SH3GL3: variants seen among roughly 807,000 people sequenced by gnomAD.
SH3GL3 encodes the protein SH3 domain containing GRB2 like 3, endophilin A3.
Under a neutral mutation model 47.7 loss-of-function variants are expected in SH3GL3, and 33 were observed. The ratio of observed to expected loss-of-function variants is 0.69; its 90% CI spans 0.52 to 0.92. SH3GL3 has a LOEUF of 0.92. Ranked by LOEUF, SH3GL3 falls within the 40% of genes least tolerant of loss-of-function variation. SH3GL3 has a pLI of 0.00. For synonymous variants in SH3GL3, 155 were observed against 148.8 expected, an observed-to-expected ratio of 1.04 and a Z score of -0.30; for missense variants, 363 against 417.8, an observed-to-expected ratio of 0.87 and a Z score of 1.14.
chr15:83,552,353 ATTG>A (rs1406291716), intron 1 of SH3GL3, among the ~76,000 whole-genome samples: 1 of 152,078 alleles, frequency 6.6e-6, no homozygotes, highest in Non-Finnish European at 1.5e-5. Flanking sequence ...TAATATTTTT[ATTG>A]TTGTTAAATT....
intron 1 of SH3GL3, among the ~76,000 whole-genome samples, chr15:83,526,279 T>C (rs762563418): frequency 6.6e-6 from 1 of 152,172 alleles, no homozygotes; most frequent in Non-Finnish European, 1.5e-5. Flanking sequence ...GAGCTAAAAA[T>C]AGAGCTGCCA....
intron 1 of SH3GL3, among the ~76,000 whole-genome samples, chr15:83,538,824 C>T (rs1401185748): frequency 1.3e-5 from 2 of 152,046 alleles, no homozygotes; most frequent in African/African-American, 4.8e-5. Flanking sequence ...ACTATTTTTA[C>T]ATGGATTTTG....
intron 1 of SH3GL3, among the ~76,000 whole-genome samples, chr15:83,528,146 C>A (rs543301087): frequency 1.3e-5 from 2 of 152,256 alleles, no homozygotes; most frequent in East Asian, 3.9e-4. Context: ...TGCTTGTAAT[C>A]TTTCTGCTTA....
intron 3 of SH3GL3, among the ~76,000 whole-genome samples, chr15:83,566,365 A>AGAGAGAGT (rs1459069703): frequency 1.3e-3 from 175 of 136,686 alleles, no homozygotes; most frequent in Admixed American, 2.8e-3. Context: ...AGAGAGAGAG[A>AGAGAGAGT]GTGTGTGTGT....
At chr15:83,582,320 G>A (rs10520584) in intron 6 of SH3GL3, among the ~76,000 whole-genome samples, 26,970 of 152,082 alleles carry the variant, frequency 0.18, 3,086 homozygotes, top group Admixed American at 0.25. Flanking sequence ...CACCAGCTAC[G>A]GGATCCTCCT....
intron 1 of SH3GL3, among the ~76,000 whole-genome samples, chr15:83,459,341 TCAATC>T (rs1249386610): frequency 1.3e-5 from 2 of 152,210 alleles, no homozygotes; most frequent in Non-Finnish European, 2.9e-5. Context: ...TTTGCATTCT[TCAATC>T]CAATCAAGTT....
chr15:83,591,933 A>G (rs975520927), intron 8 of SH3GL3, among the ~76,000 whole-genome samples: 2 of 152,126 alleles, frequency 1.3e-5, no homozygotes, highest in African/African-American at 4.8e-5. Context: ...TTGGCCTCCC[A>G]AAGTGCTGGG....
intron 2 of SH3GL3, among the ~76,000 whole-genome samples, chr15:83,562,096 G>A (rs557046170): frequency 1.3e-4 from 19 of 145,720 alleles, no homozygotes; most frequent in Non-Finnish European, 2.4e-4. Flanking sequence ...AGTGTCCCTA[G>A]TTATTCTAGG....
chr15:83,618,319 T>C lies in SH3GL3; in HGVS notation c.*32T>C, dbSNP rs1728028745. ...AACACAAACTCTGGACATACTTTCG[T>C]AACTGAAATGAATTCACACCAGTGT... On this transcript the variant is annotated 3_prime_UTR_variant, in exon 9 of 9. Transcript: ENST00000427482. The C allele has an allele frequency of 7.3e-7, 1 of 1,377,678 alleles. No individual in the cohort carries two copies. Among genetic ancestry groups the C allele is most frequent in the African/African-American group, 1.4e-5 (1 of 70,468 alleles). The allele number at this position is 1,377,678 out of a possible 1,614,324, so 85.3% of individuals were successfully genotyped here.
intron 1 of SH3GL3, among the ~76,000 whole-genome samples, chr15:83,499,191 G>A (rs28545501): frequency 0.044 from 6,683 of 151,970 alleles, 494 homozygotes; most frequent in African/African-American, 0.15. Context: ...TTACCCCTAG[G>A]TTTTTTAATG....
the SH3GL3 span, among the ~76,000 whole-genome samples, chr15:83,633,658 C>G: frequency 7.2e-5 from 11 of 152,306 alleles, no homozygotes; most frequent in Admixed American, 3.3e-4. Context: ...GTCATGGGCC[C>G]CCCACCTGCT....
Position 83,586,966 on chromosome 15 carries a change from T to G in SH3GL3, c.625-17T>G. ...AGGCTCGGGCCTCCATGGAATAATT[T>G]TGCACTTCTGCTGCAGGTAGAACAA... On this transcript the variant is annotated splice_polypyrimidine_tract_variant and intron_variant, in intron 6 of 8. Transcript: ENST00000427482. The G allele has an allele frequency of 6.7e-7, 1 of 1,493,084 alleles. No individual in the cohort carries two copies. Among genetic ancestry groups the G allele is most frequent in the Non-Finnish European group, 9.3e-7 (1 of 1,080,862 alleles). 92.5% of individuals were successfully genotyped at this position (1,493,084 alleles called of 1,614,324 possible).
At chr15:83,548,052 A>T (rs1401130584) in intron 1 of SH3GL3, among the ~76,000 whole-genome samples, 1 of 151,346 alleles carries the variant, frequency 6.6e-6, no homozygotes, top group Non-Finnish European at 1.5e-5. Flanking sequence ...AAATTATAAC[A>T]CACTTTTTTT....
chr15:83,610,385 A>G (rs1388320448), intron 8 of SH3GL3, among the ~76,000 whole-genome samples: 2 of 152,100 alleles, frequency 1.3e-5, no homozygotes, highest in African/African-American at 2.4e-5. Context: ...GAAAATACCA[A>G]AATTATCCGG....
At chr15:83,504,084 G>A (rs952157228) in intron 1 of SH3GL3, among the ~76,000 whole-genome samples, 1 of 152,018 alleles carries the variant, frequency 6.6e-6, no homozygotes, top group Non-Finnish European at 1.5e-5. Flanking sequence ...TATGATTGTC[G>A]AATTGCTGCA....
intron 1 of SH3GL3, among the ~76,000 whole-genome samples, chr15:83,473,251 A>T (rs2040917905): frequency 1.3e-5 from 2 of 150,604 alleles, no homozygotes; most frequent in Non-Finnish European, 3.0e-5. Context: ...GGGTGTTGTT[A>T]CTGCCTTATG....
At chr15:83,626,661 G>C in the SH3GL3 span, among the ~76,000 whole-genome samples, 1 of 152,144 alleles carries the variant, frequency 6.6e-6, no homozygotes, top group Non-Finnish European at 1.5e-5. Flanking sequence ...CAGAAACTTT[G>C]ACAATGAAGT....
intron 8 of SH3GL3, among the ~76,000 whole-genome samples, chr15:83,608,239 C>T (rs138794195): frequency 2.4e-4 from 37 of 152,242 alleles, no homozygotes; most frequent in Middle Eastern, 3.4e-3. Flanking sequence ...AGAAAGACAG[C>T]AGTTCATTGA....
intron 1 of SH3GL3, among the ~76,000 whole-genome samples, chr15:83,528,114 A>T (rs1333574334): frequency 6.6e-6 from 1 of 152,140 alleles, no homozygotes; most frequent in Non-Finnish European, 1.5e-5. Context: ...TTTGAACATA[A>T]ACCTCAAGCT....
Sources: gnomAD v4.1 joint callset for allele counts (sites outside exome capture counted in the v4.1 genomes callset) on GRCh38, gnomAD v4.1.1 for gene constraint, MANE v1.5 for transcripts, NCBI Gene and HGNC (gene_info 2026-07-23, HGNC 2026-07-21) for gene names.